Variants in SPEF2 observed in about 807,000 individuals in gnomAD.
SPEF2 encodes sperm flagella and cilia-associated protein 2.
A neutral mutation model predicts 224.6 loss-of-function variants in SPEF2; 187 were observed. The observed-to-expected ratio is 0.83, with a 90% confidence interval of 0.74 to 0.94. The LOEUF (loss-of-function observed/expected upper bound fraction) is 0.94. Among genes scored for constraint, SPEF2 ranks in the 40% least tolerant of loss-of-function variants. SPEF2 has a pLI of 0.00. For synonymous variants in SPEF2, 715 were observed against 707.3 expected (o/e 1.01, Z -0.17); for missense variants, 2,170 against 2,135.6 (o/e 1.02, Z -0.32).
At chr5:35,795,154 C>T (rs1756488058) in intron 32 of SPEF2, among the ~76,000 whole-genome samples, 1 of 152,110 alleles carries the variant, frequency 6.6e-6, no homozygotes, top group Non-Finnish European at 1.5e-5. Flanking sequence ...CAGTTATACA[C>T]TGAGACAGAG....
At chr5:35,734,062 G>C (rs1178010353) in intron 21 of SPEF2, among the ~76,000 whole-genome samples, 1 of 152,136 alleles carries the variant, frequency 6.6e-6, no homozygotes, top group Non-Finnish European at 1.5e-5. Flanking sequence ...ATATTGAAAG[G>C]AATCACAGAG....
At chr5:35,647,406 G>C (rs1023052745) in intron 5 of SPEF2, among the ~76,000 whole-genome samples, 2 of 152,012 alleles carry the variant, frequency 1.3e-5, no homozygotes, top group African/African-American at 4.8e-5. Flanking sequence ...GATAGAGTCA[G>C]AACCCACCTC....
intron 18 of SPEF2, among the ~76,000 whole-genome samples, chr5:35,707,954 A>G (rs1740143218): frequency 6.6e-6 from 1 of 152,048 alleles, no homozygotes; most frequent in Non-Finnish European, 1.5e-5. Context: ...ACTTATCACC[A>G]TCTTAACTCT....
intron 21 of SPEF2, among the ~76,000 whole-genome samples, chr5:35,730,300 G>T (rs1380854313): frequency 6.6e-6 from 1 of 152,344 alleles, no homozygotes; most frequent in East Asian, 1.9e-4. Context: ...AGAGTGAGAG[G>T]TCTTTGCTTC....
At chr5:35,621,482 A>G (rs923608720) in intron 1 of SPEF2, among the ~76,000 whole-genome samples, 1 of 152,194 alleles carries the variant, frequency 6.6e-6, no homozygotes, top group Non-Finnish European at 1.5e-5. Flanking sequence ...ATTGTACATT[A>G]AAGTTTTAAA....
At chr5:35,653,002 T>C (rs934280539) in intron 6 of SPEF2, among the ~76,000 whole-genome samples, 7 of 152,346 alleles carry the variant, frequency 4.6e-5, no homozygotes, top group Non-Finnish European at 1.0e-4. Context: ...AGTAACATTA[T>C]GGTATATCTT....
chr5:35,696,420 A>G (rs1333669503), intron 14 of SPEF2, among the ~76,000 whole-genome samples: 2 of 152,214 alleles, frequency 1.3e-5, no homozygotes, highest in African/African-American at 4.8e-5. Flanking sequence ...CAAGATGAGC[A>G]ATGGGAAGGG....
In SPEF2 at chr5:35,731,372, C is replaced by A. The variant is rs189638308; in HGVS notation, c.3063+3549C>A. On this transcript the variant is annotated intron_variant, in intron 21 of 36. Coordinates refer to ENST00000356031, the MANE Select transcript of SPEF2 (RefSeq NM_024867.4). The stretch of plus-strand genomic sequence containing the variant: ...TAACTGGAAGAAACAGACAAGCACA[C>A]AAACACTTTTTAGGTGCCCAGTACC... 1.5e-3 allele frequency among the ~76,000 whole-genome samples: 231 copies of A among 152,284 alleles called. 1 individual carries two copies. Among genetic ancestry groups the A allele is most frequent in the African/African-American group, 5.1e-3 (213 of 41,556 alleles).
chr5:35,776,341 T>G lies in SPEF2; in HGVS notation c.4163T>G (p.Val1388Gly). 6.2e-7 allele frequency: 1 copy of G among 1,612,800 alleles called. No individual in the cohort carries two copies. The highest frequency in any genetic ancestry group is 8.5e-7 in the Non-Finnish European group (1 of 1,179,376). ...LEDLVTKVVD[V>G]YKLMEKWLGE... is the part of the protein sequence containing the mutation. ...GATTTAGTAACAAAGGTGGTTGATG[T>G]ATATAAACTCATGGAAAAATGGCTT... Residue 1388 changes from valine to glycine, a missense_variant, in exon 29 of 37, where the codon GTA becomes GGA. By Grantham distance (109) the Val-to-Gly change is moderately radical. Transcript: ENST00000356031.
chr5:35,697,898 T>C, intron 15 of SPEF2, 105 bp downstream of exon 15: 1 of 752,272 alleles, frequency 1.3e-6, no homozygotes, highest in African/African-American at 1.8e-5. Flanking sequence ...CTCATACATT[T>C]CACTCATCTG....
intron 36 of SPEF2, among the ~76,000 whole-genome samples, chr5:35,810,888 C>T (rs1048478811): frequency 9.2e-5 from 14 of 152,090 alleles, no homozygotes; most frequent in Non-Finnish European, 1.6e-4. Flanking sequence ...TACTTTAACT[C>T]TCCCTCCTCA....
intron 23 of SPEF2, among the ~76,000 whole-genome samples, chr5:35,741,798 A>G (rs1174219592): frequency 1.3e-5 from 2 of 152,188 alleles, no homozygotes; most frequent in Admixed American, 6.5e-5. Context: ...AGTAATTCAT[A>G]TCTATATAAA....
intron 6 of SPEF2, among the ~76,000 whole-genome samples, chr5:35,653,087 C>T (rs1209380399): frequency 6.6e-6 from 1 of 152,110 alleles, no homozygotes; most frequent in Non-Finnish European, 1.5e-5. Flanking sequence ...TCTTTGTATA[C>T]ATAAAAATGT....
Position 35,814,493 on chromosome 5 carries a change from A to C in SPEF2, c.5409A>C (p.Glu1803Asp), listed in dbSNP as rs374128513. The C allele has an allele frequency of 9.9e-6, 16 of 1,608,424 alleles. No homozygotes were observed. The African/African-American group carries it at 1.7e-4, about 17-fold the overall frequency. Reference protein sequence around the residue: ...PDIKIILQRSEHVQGSDGERS... With the variant: ...PDIKIILQRSDHVQGSDGERS... ...TTAAAATAATTCTCCAAAGGAGTGA[A>C]CATGTACAAGGAAGTGATGGAGAGA... The change falls in exon 37 of 37, where the codon GAA (glutamate) becomes GAC (aspartate). Residue 1803 changes from glutamate to aspartate, a missense_variant. By Grantham distance (45) the Glu-to-Asp change is conservative. Transcript: ENST00000356031.
intron 2 of SPEF2, among the ~76,000 whole-genome samples, chr5:35,630,620 C>T (rs909666752): frequency 2.6e-5 from 4 of 151,986 alleles, no homozygotes; most frequent in Admixed American, 6.6e-5. Context: ...GGCATGAACC[C>T]GGGAGGCGGA....
chr5:35,670,621 C>A, intron 10 of SPEF2: 1 of 985,746 alleles, frequency 1.0e-6, no homozygotes, highest in Non-Finnish European at 1.2e-6. Context: ...TTTTTACAGG[C>A]AAAATGAAAG....
chr5:35,695,700 C>G (rs369952067), intron 13 of SPEF2, 35 bp from the exon 14 acceptor site: 48 of 1,571,572 alleles, frequency 3.1e-5, no homozygotes, highest in Middle Eastern at 3.4e-4. Context: ...GTGTAAATAC[C>G]AGAAATTTGT....
At chr5:35,645,953 A>G (rs1747315365) in intron 4 of SPEF2, among the ~76,000 whole-genome samples, 1 of 152,188 alleles carries the variant, frequency 6.6e-6, no homozygotes, top group Non-Finnish European at 1.5e-5. Flanking sequence ...TAATGATCAT[A>G]TTAGTTCTAA....
intron 2 of SPEF2, among the ~76,000 whole-genome samples, chr5:35,634,547 C>T (rs752347628): frequency 2.0e-5 from 3 of 152,138 alleles, no homozygotes; most frequent in Admixed American, 6.5e-5. Flanking sequence ...TCTTTCATCA[C>T]ATTTGTGAAG....
Sources: gnomAD v4.1 joint callset for allele counts (sites outside exome capture counted in the v4.1 genomes callset) on GRCh38, gnomAD v4.1.1 for gene constraint, MANE v1.5 for transcripts, NCBI Gene and HGNC (gene_info 2026-07-23, HGNC 2026-07-21) for gene names.